The following OPRK1 variants were observed in gnomAD, a reference collection of about 807,000 sequenced individuals.
OPRK1 encodes the protein kappa-type opioid receptor.
Under a neutral mutation model 24.5 loss-of-function variants are expected in OPRK1, and 15 were observed. That is an observed-to-expected ratio of 0.61 (90% CI 0.41 to 0.94). The LOEUF (loss-of-function observed/expected upper bound fraction) is 0.94, where lower values mean the gene tolerates loss of function less well. OPRK1 is among the 40% of genes least tolerant of loss of function. OPRK1 has a pLI of 0.00. For missense variants in OPRK1, 479 were observed against 507.3 expected (o/e 0.94, Z 0.54); for synonymous variants, 205 against 198.0 (o/e 1.04, Z -0.30).
chr8:53,245,322 T>C (rs1807204375), intron 2 of OPRK1, among the ~76,000 whole-genome samples: 1 of 152,058 alleles, frequency 6.6e-6, no homozygotes, highest in South Asian at 2.1e-4. Context: ...CACAGATGTG[T>C]AGGGGAAAGG....
intron 2 of OPRK1, among the ~76,000 whole-genome samples, chr8:53,247,373 G>A (rs745553025): frequency 1.1e-4 from 16 of 152,268 alleles, no homozygotes; most frequent in African/African-American, 2.2e-4. Context: ...ATCTTTCTGC[G>A]CTTTAGTTTC....
Position 53,229,528 on chromosome 8 carries a change from G to A in OPRK1, c.912C>T (p.His304=), listed in dbSNP as rs1360517376. The A allele has an allele frequency of 6.2e-7, 1 of 1,614,224 alleles. No individual in the cohort carries two copies. Among genetic ancestry groups the A allele is most frequent in the Admixed American group, 1.7e-5 (1 of 60,034 alleles). Residue 304 remains histidine (H), a synonymous_variant, in exon 4 of 4, where the codon CAC becomes CAT. Coordinates refer to ENST00000265572, the MANE Select transcript of OPRK1 (RefSeq NM_000912.5). ...AATAGCTGGAGAGAGCAGCTGTGCTGTGGGAGGTGCTCCCCAGAGCCTCCA... is the reference window on the plus strand; with the variant it reads ...AATAGCTGGAGAGAGCAGCTGTGCTATGGGAGGTGCTCCCCAGAGCCTCCA... ...ILVEALGSTS[H]STAALSSYYF... is the part of the protein sequence containing the mutation.
At chr8:53,236,378 C>T (rs144288564) in intron 2 of OPRK1, among the ~76,000 whole-genome samples, 3,378 of 152,278 alleles carry the variant, frequency 0.022, 54 homozygotes, top group Non-Finnish European at 0.035. Context: ...GCCTTCCCTC[C>T]CCACCTCCCA....
At chr8:53,236,451 A>C (rs1452009552) in intron 2 of OPRK1, among the ~76,000 whole-genome samples, 1 of 152,206 alleles carries the variant, frequency 6.6e-6, no homozygotes, top group Non-Finnish European at 1.5e-5. Context: ...GAAGACGGGT[A>C]CTAGAGTTGG....
chr8:53,229,792 A>T lies in OPRK1; in HGVS notation c.648T>A (p.Asp216Glu), dbSNP rs374085014. 1.3e-6 allele frequency: 2 copies of T among 1,596,902 alleles called. No individual in the cohort carries two copies. Among genetic ancestry groups the T allele is most frequent in the Non-Finnish European group, 1.7e-6 (2 of 1,171,700 alleles). ...AGAGGTCCCACCAGGAGTAGTCATC[A>T]TCTGGGAACTGCAAGGAGCACTCAA... ...DVIECSLQFPDDDYSWWDLFM... is the reference protein window; with the variant it reads ...DVIECSLQFPEDDYSWWDLFM... The change falls in exon 4 of 4, where the codon GAT becomes GAA. Residue 216 changes from aspartate to glutamate, a missense_variant. Transcript: ENST00000265572.
At position 53,251,027 on chromosome 8, in the gene OPRK1, G is replaced by A. The variant is rs2128811050; in HGVS notation, c.11C>T (p.Pro4Leu). 6.4e-7 allele frequency: 1 copy of A among 1,558,128 alleles called. No individual in the cohort carries two copies. The highest frequency in any genetic ancestry group is 1.7e-4 in the Middle Eastern group (1 of 5,752). Residue 4 changes from proline (P) to leucine (L), a missense_variant, in exon 2 of 4, where the codon CCG becomes CTG. Coordinates refer to ENST00000265572, the MANE Select transcript of OPRK1 (RefSeq NM_000912.5). MDS[P>L]IQIFRGEPGP... ...CGGCTCCCCGCGGAAGATCTGGATCGGGGAGTCCATGGTGGGGCGATTGCA... is the reference window on the plus strand; with the variant it reads ...CGGCTCCCCGCGGAAGATCTGGATCAGGGAGTCCATGGTGGGGCGATTGCA...
chr8:53,246,311 T>C (rs1453352520), intron 2 of OPRK1, among the ~76,000 whole-genome samples: 1 of 152,052 alleles, frequency 6.6e-6, no homozygotes, highest in Non-Finnish European at 1.5e-5. Context: ...AGGGCTTTGG[T>C]GAAGGAGCAT....
intron 3 of OPRK1, among the ~76,000 whole-genome samples, chr8:53,231,781 A>G (rs1016067537): frequency 6.6e-6 from 1 of 152,212 alleles, no homozygotes; most frequent in Admixed American, 6.5e-5. Context: ...AACCCTCGAA[A>G]GTGTGTCCTA....
At chr8:53,251,168 T>C (rs1013248491) in intron 1 of OPRK1, 83 bp from the exon 2 acceptor site, 60 of 1,364,564 alleles carry the variant, frequency 4.4e-5, no homozygotes, top group Non-Finnish European at 5.6e-5. Context: ...ACCCGGAGCC[T>C]GCGGACTCCC....
intron 2 of OPRK1, among the ~76,000 whole-genome samples, chr8:53,240,173 G>A (rs1807082866): frequency 2.6e-5 from 4 of 152,118 alleles, no homozygotes; most frequent in Admixed American, 2.6e-4. Context: ...TTTTCCATAG[G>A]CCCATTTTTG....
chr8:53,228,825 GGCA>G lies in OPRK1; in HGVS notation c.*469_*471del. The G allele has an allele frequency of 1.3e-5, 2 of 159,772 alleles. No homozygotes were observed. The highest frequency in any genetic ancestry group is 6.0e-5 in the Admixed American group (1 of 16,802). 9.9% of individuals were successfully genotyped at this position (159,772 alleles called of 1,614,324 possible). On this transcript the variant is annotated 3_prime_UTR_variant, in exon 4 of 4. Coordinates refer to ENST00000265572, the MANE Select transcript of OPRK1 (RefSeq NM_000912.5). ...TGTCCACACAGCATACAGTGAGCTG[GGCA>G]TGAACCCTGGAAATAGTTCCCATTC...
At chr8:53,249,101 C>A (rs2128810686) in intron 2 of OPRK1, among the ~76,000 whole-genome samples, 1 of 152,214 alleles carries the variant, frequency 6.6e-6, no homozygotes, top group South Asian at 2.1e-4. Context: ...TCTTTTTAAT[C>A]CTAGTCTGCA....
intron 2 of OPRK1, among the ~76,000 whole-genome samples, chr8:53,244,463 C>T (rs1807185345): frequency 6.6e-6 from 1 of 152,142 alleles, no homozygotes; most frequent in Non-Finnish European, 1.5e-5. Flanking sequence ...AAAGTTCCCC[C>T]TTTGGGGAGG....
Position 53,229,432 on chromosome 8 carries a change from G to A in OPRK1, c.1008C>T (p.Asn336=), listed in dbSNP as rs77985794. Residue 336 remains asparagine (N), a synonymous_variant, in exon 4 of 4, where the codon AAC becomes AAT. Transcript: ENST00000265572. ...NPILYAFLDE[N]FKRCFRDFCF... ...AGAAGTCCCGGAAACACCGCTTGAA[G>A]TTTTCATCAAGAAAGGCGTAGAGAA... 724 of 1,614,220 alleles carry A rather than the reference G, an allele frequency of 4.5e-4. 3 individuals are homozygous for A. The Middle Eastern group carries it at 6.6e-3, about 15-fold the overall frequency.
chr8:53,247,217 C>G (rs1277705855), intron 2 of OPRK1, among the ~76,000 whole-genome samples: 1 of 152,130 alleles, frequency 6.6e-6, no homozygotes, highest in Non-Finnish European at 1.5e-5. Context: ...AATGTAGAAC[C>G]TCCTGGAAAG....
chr8:53,230,761 T>C (rs1482410335), intron 3 of OPRK1, among the ~76,000 whole-genome samples: 1 of 152,082 alleles, frequency 6.6e-6, no homozygotes, highest in Non-Finnish European at 1.5e-5. Context: ...CCCCTGCCCC[T>C]GAGAAGTCAG....
rs372594745 is a variant in OPRK1, at chr8:53,237,662, G to T, written c.258-2551C>A. 5.3e-5 allele frequency among the ~76,000 whole-genome samples: 8 copies of T among 152,298 alleles called. No homozygotes were observed. In the South Asian group the frequency reaches 1.7e-3, roughly 32 times the overall value. ...TCAAAGTGATATAACTATAGGCATA[G>T]CAGAAATTTAAACCCAGGGGTTTGA... is the stretch of plus-strand genomic sequence containing the variant. On this transcript the variant is annotated intron_variant, in intron 2 of 3. Transcript: ENST00000265572.
At chr8:53,239,367 T>C (rs1807065213) in intron 2 of OPRK1, among the ~76,000 whole-genome samples, 1 of 152,222 alleles carries the variant, frequency 6.6e-6, no homozygotes, top group African/African-American at 2.4e-5. Flanking sequence ...AATCAGCACA[T>C]ATTCTGAAGA....
Position 53,249,382 on chromosome 8 carries a change from A to C in OPRK1, c.257+1399T>G, listed in dbSNP as rs890169358. On this transcript the variant is annotated intron_variant, in intron 2 of 3. Transcript: ENST00000265572. ...TTTTGTCTAATTGTCTCTTTAGTGGAGGCCAGCCCTGAGATTACTAATGAC... is the reference window on the plus strand; with the variant it reads ...TTTTGTCTAATTGTCTCTTTAGTGGCGGCCAGCCCTGAGATTACTAATGAC... Among the ~76,000 whole-genome samples the C allele has an allele frequency of 4.6e-5, 7 of 152,314 alleles. No homozygotes were observed. In the South Asian group the frequency reaches 1.0e-3, roughly 23 times the overall value.
Sources: allele counts gnomAD v4.1 joint callset (sites outside exome capture counted in the v4.1 genomes callset), GRCh38; gene constraint gnomAD v4.1.1; transcripts MANE v1.5; gene names NCBI Gene and HGNC (gene_info 2026-07-23, HGNC 2026-07-21).